WWOX: variants seen among roughly 807,000 people sequenced by gnomAD.
WWOX encodes the protein WW domain containing oxidoreductase.
A neutral mutation model predicts 46.2 loss-of-function variants in WWOX; 69 were observed. That is an observed-to-expected ratio of 1.49 (90% confidence interval 1.23 to 1.82). The LOEUF (loss-of-function observed/expected upper bound fraction) is 1.82, where lower values mean the gene tolerates loss of function less well. Among genes scored for constraint, WWOX ranks in the 40% most tolerant of loss-of-function variants. The probability of loss-of-function intolerance (pLI) is 0.00; values close to 1 mark genes in which losing one functional copy is unlikely to be tolerated. For missense variants in WWOX, 919 were observed against 542.6 expected (o/e 1.69, Z -6.89); for synonymous variants, 359 against 202.6 (o/e 1.77, Z -6.56).
rs1320480894 is a variant in WWOX, at chr16:79,124,051, C to T, written c.1057-87557C>T. On this transcript the variant is annotated intron_variant, in intron 8 of 8. Transcript: ENST00000566780. ...ATTGTCTTATTAAATAATTTCTTTG[C>T]CTCTTAAGTGTGGACTCGGAGCACT... 2.6e-5 allele frequency among the ~76,000 whole-genome samples: 4 copies of T among 152,124 alleles called. No homozygotes were observed. In the East Asian group the frequency reaches 7.7e-4, roughly 29 times the overall value.
intron 8 of WWOX, among the ~76,000 whole-genome samples, chr16:78,930,864 G>C (rs12918989): frequency 0.41 from 62,567 of 151,776 alleles, 13,173 homozygotes; most frequent in Non-Finnish European, 0.47. Flanking sequence ...CAAAGACAAG[G>C]AGAATGACAG....
intron 5 of WWOX, among the ~76,000 whole-genome samples, chr16:78,379,892 T>C (rs774107884): frequency 3.3e-5 from 5 of 152,240 alleles, no homozygotes; most frequent in Admixed American, 3.3e-4. Flanking sequence ...GTAAGCATAA[T>C]GTAGGCATGA....
intron 8 of WWOX, among the ~76,000 whole-genome samples, chr16:79,210,815 C>G (rs1386847199): frequency 6.6e-6 from 1 of 152,072 alleles, no homozygotes; most frequent in South Asian, 2.1e-4. Context: ...TGCACACGTC[C>G]CTAGCCACAG....
In WWOX at chr16:78,738,975, C is replaced by A. The variant is rs554620695; in HGVS notation, c.1056+306223C>A. ...CTCATGCTGCCAATTTAGTCCTGGC[C>A]CTAGGAAGACGTAGGTGATAGGATA... On this transcript the variant is annotated intron_variant, in intron 8 of 8. Coordinates refer to ENST00000566780, the MANE Select transcript of WWOX (RefSeq NM_016373.4). Among the ~76,000 whole-genome samples, 343 of 152,154 alleles carry A rather than the reference C, an allele frequency of 2.3e-3. 2 individuals are homozygous for A. Among genetic ancestry groups the A allele is most frequent in the African/African-American group, 7.8e-3 (324 of 41,492 alleles).
At chr16:79,203,107 AGCAACACGCTGCT>A (rs1459265503) in intron 8 of WWOX, 2 of 152,214 alleles carry the variant, frequency 1.3e-5, no homozygotes, top group African/African-American at 4.8e-5. Flanking sequence ...CCTACTAACT[AGCAACACGCTGCT>A]GGTGAATGAA....
intron 8 of WWOX, among the ~76,000 whole-genome samples, chr16:79,031,872 C>CTTAT (rs2047764368): frequency 2.3e-5 from 3 of 128,932 alleles, no homozygotes; most frequent in South Asian, 2.4e-4. Flanking sequence ...AGATAGATAT[C>CTTAT]TATATACAGA....
chr16:79,086,233 C>T (rs1247007402), intron 8 of WWOX, among the ~76,000 whole-genome samples: 2 of 152,156 alleles, frequency 1.3e-5, no homozygotes, highest in African/African-American at 4.8e-5. Context: ...GTTAATTGAG[C>T]ATTTTCTGTC....
At chr16:78,618,871 G>A (rs1597356351) in intron 8 of WWOX, among the ~76,000 whole-genome samples, 1 of 151,454 alleles carries the variant, frequency 6.6e-6, no homozygotes, top group South Asian at 2.1e-4. Context: ...CGGACACCTT[G>A]GATGTGCCCA....
At chr16:79,150,650 T>C (rs2050260772) in intron 8 of WWOX, among the ~76,000 whole-genome samples, 1 of 152,216 alleles carries the variant, frequency 6.6e-6, no homozygotes, top group African/African-American at 2.4e-5. Context: ...TATTTTTAAA[T>C]ATTAAATCAT....
chr16:78,574,421 T>C (rs1462430477), intron 8 of WWOX, among the ~76,000 whole-genome samples: 1 of 152,044 alleles, frequency 6.6e-6, no homozygotes, highest in East Asian at 1.9e-4. Flanking sequence ...AAGTATCTTC[T>C]CTCCTCTTTG....
chr16:78,787,941 T>C (rs560450684), intron 8 of WWOX, among the ~76,000 whole-genome samples: 59 of 152,344 alleles, frequency 3.9e-4, no homozygotes, highest in African/African-American at 1.4e-3. Context: ...TTGTATCTTT[T>C]TTAAAATAGA....
At chr16:78,644,195 C>G (rs1291620805) in intron 8 of WWOX, among the ~76,000 whole-genome samples, 2 of 152,046 alleles carry the variant, frequency 1.3e-5, no homozygotes, top group African/African-American at 4.8e-5. Context: ...GCACTCCAGC[C>G]TGGGCAACGA....
intron 8 of WWOX, among the ~76,000 whole-genome samples, chr16:78,523,971 CAT>C (rs1201365177): frequency 2.6e-5 from 4 of 152,224 alleles, no homozygotes; most frequent in Non-Finnish European, 5.9e-5. Flanking sequence ...ATTTTATTAA[CAT>C]GTGCTACTAT....
chr16:78,119,671 T>C (rs2032992022), intron 4 of WWOX, among the ~76,000 whole-genome samples: 1 of 151,876 alleles, frequency 6.6e-6, no homozygotes, highest in South Asian at 2.1e-4. Context: ...ACTGTGTTGC[T>C]CAGGTGTTGG....
chr16:78,249,482 T>C (rs2037921742), intron 5 of WWOX, among the ~76,000 whole-genome samples: 1 of 152,220 alleles, frequency 6.6e-6, no homozygotes, highest in African/African-American at 2.4e-5. Context: ...AATCTAGAGT[T>C]CCCTTAATCC....
intron 8 of WWOX, chr16:78,899,050 ACTT>A (rs1050220994): frequency 5.3e-5 from 8 of 152,092 alleles, no homozygotes; most frequent in South Asian, 4.1e-4. Flanking sequence ...ATATAGTTTT[ACTT>A]CTTCTCCAAT....
chr16:78,660,507 C>CT (rs1475257086), intron 8 of WWOX, among the ~76,000 whole-genome samples: 1 of 152,032 alleles, frequency 6.6e-6, no homozygotes, highest in Non-Finnish European at 1.5e-5. Context: ...CTCCTTCTGT[C>CT]TTTTTTTCAG....
intron 8 of WWOX, among the ~76,000 whole-genome samples, chr16:78,911,116 T>G: frequency 6.6e-6 from 1 of 151,992 alleles, no homozygotes; most frequent in Non-Finnish European, 1.5e-5. Context: ...GTTGCAGACC[T>G]CAGACAGGAG....
At chr16:78,440,216 T>C (rs914046230) in intron 8 of WWOX, among the ~76,000 whole-genome samples, 1 of 152,160 alleles carries the variant, frequency 6.6e-6, no homozygotes. Flanking sequence ...TTTTATAGGA[T>C]CGTTGTGAGA....
Sources: gnomAD v4.1 joint callset for allele counts (sites outside exome capture counted in the v4.1 genomes callset) on GRCh38, gnomAD v4.1.1 for gene constraint, MANE v1.5 for transcripts, NCBI Gene and HGNC (gene_info 2026-07-23, HGNC 2026-07-21) for gene names.